Variants in HERC1 observed in about 807,000 individuals in gnomAD.
HERC1 encodes probable E3 ubiquitin-protein ligase HERC1.
Under a neutral mutation model 554.3 loss-of-function variants are expected in HERC1, and 160 were observed. That is an observed-to-expected ratio of 0.29 (90% confidence interval 0.25 to 0.33). The LOEUF is 0.33. Ranked by LOEUF, HERC1 falls within the 10% of genes least tolerant of loss-of-function variation. The pLI is 1.00. For missense variants in HERC1, 4,919 were observed against 5,918.5 expected, an observed-to-expected ratio of 0.83 and a Z score of 5.54; for synonymous variants, 2,175 against 2,131.7, an observed-to-expected ratio of 1.02 and a Z score of -0.56.
At chr15:63,623,371 T>C (rs934128647) in intron 73 of HERC1, among the ~76,000 whole-genome samples, 7 of 152,232 alleles carry the variant, frequency 4.6e-5, no homozygotes, top group Non-Finnish European at 1.0e-4. Flanking sequence ...GCAGTTCTAC[T>C]TTGTTCTAAA....
intron 52 of HERC1, among the ~76,000 whole-genome samples, chr15:63,651,648 T>A (rs992004778): frequency 6.6e-6 from 1 of 152,202 alleles, no homozygotes; most frequent in East Asian, 1.9e-4. Context: ...TCTGTATGTG[T>A]TGTACAGATG....
chr15:63,739,135 C>T (rs898089328), intron 12 of HERC1, among the ~76,000 whole-genome samples: 3 of 151,196 alleles, frequency 2.0e-5, no homozygotes, highest in Admixed American at 6.6e-5. Flanking sequence ...GAAAAAAAGC[C>T]GTGTGCCCAT....
intron 24 of HERC1, 146 bp from the exon 25 acceptor site, chr15:63,706,977 G>T: frequency 1.8e-6 from 1 of 557,672 alleles, no homozygotes; most frequent in Non-Finnish European, 3.1e-6. Context: ...ATAACAAAAT[G>T]TCCCTAAAAA....
At chr15:63,645,236 C>T in intron 56 of HERC1, 139 bp from the exon 57 acceptor site, 1 of 719,078 alleles carries the variant, frequency 1.4e-6, no homozygotes, top group Non-Finnish European at 2.3e-6. Flanking sequence ...CAATCTTTTA[C>T]AAGAAATACA....
chr15:63,669,765 TC>T, intron 39 of HERC1, 67 bp from the exon 40 acceptor site: 2 of 1,442,744 alleles, frequency 1.4e-6, no homozygotes, highest in Non-Finnish European at 1.9e-6. Context: ...ATCACAATCT[TC>T]TTATAGAAGA....
intron 34 of HERC1, among the ~76,000 whole-genome samples, chr15:63,684,709 GA>G (rs148434448): frequency 5.3e-5 from 8 of 151,960 alleles, no homozygotes; most frequent in African/African-American, 9.7e-5. Flanking sequence ...TCTAGCGGGG[GA>G]AAAAAATCTA....
At chr15:63,668,967 G>A (rs899011156) in intron 40 of HERC1, among the ~76,000 whole-genome samples, 5 of 152,098 alleles carry the variant, frequency 3.3e-5, no homozygotes. Flanking sequence ...CACAATACAC[G>A]TATTTTCCAA....
rs2073682490 is a variant in HERC1 at position 63,718,788 on chromosome 15, T to C, written c.3852A>G (p.Glu1284=). 3 of 1,611,910 alleles carry C rather than the reference T, an allele frequency of 1.9e-6. No individual in the cohort carries two copies. The East Asian group carries it at 6.7e-5, about 36-fold the overall frequency. ...HTNLLSQACG[E]SRYQPGKHLS... The stretch of plus-strand genomic sequence containing the variant: ...GATAGTTTTAAGTTACTTGCCGGCT[T>C]TCTCCACATGCTTGACTAAGTAAAT... Residue 1284 remains glutamate, a synonymous_variant, in exon 20 of 78, where the codon GAA becomes GAG. Coordinates refer to ENST00000443617, the MANE Select transcript of HERC1 (RefSeq NM_003922.4). The surrounding 1 kb of genome is among the most constrained non-coding windows in gnomAD (Gnocchi z 4.2).
Position 63,624,334 on chromosome 15 carries a change from C to T in HERC1, c.13276-7G>A. 2 of 1,585,966 alleles carry T rather than the reference C, an allele frequency of 1.3e-6. No homozygotes were observed. Among genetic ancestry groups the T allele is most frequent in the South Asian group, 2.3e-5 (2 of 87,978 alleles). On this transcript the variant is annotated splice_polypyrimidine_tract_variant and splice_region_variant and intron_variant, in intron 71 of 77. Transcript: ENST00000443617. ...TATAATGGGATGTGCTGTTCTGTAA[C>T]AGAAGGTACGGTTATCAGAAATGGT...
chr15:63,611,259 A>G (rs1247134865), intron 77 of HERC1, among the ~76,000 whole-genome samples: 1 of 152,178 alleles, frequency 6.6e-6, no homozygotes, highest in Non-Finnish European at 1.5e-5. Flanking sequence ...CAGACTGTGG[A>G]AGTGTTTAAG....
intron 1 of HERC1, among the ~76,000 whole-genome samples, chr15:63,812,234 C>T (rs2077346752): frequency 6.6e-6 from 1 of 152,202 alleles, no homozygotes; most frequent in Admixed American, 6.5e-5. Context: ...AGCGAATAGC[C>T]TGGTTCACCA....
chr15:63,779,422 A>T (rs2076214387), intron 1 of HERC1, among the ~76,000 whole-genome samples: 1 of 152,262 alleles, frequency 6.6e-6, no homozygotes, highest in Non-Finnish European at 1.5e-5. Flanking sequence ...AAAACAAAAT[A>T]GCACAGCCAC....
Position 63,770,368 on chromosome 15 carries a change from T to C in HERC1, c.930+4326A>G, listed in dbSNP as rs1596207090. Among the ~76,000 whole-genome samples, 3 of 152,318 alleles carry C rather than the reference T, an allele frequency of 2.0e-5. No homozygotes were observed. The South Asian group carries it at 6.2e-4, about 32-fold the overall frequency. ...AGTACAGACTTCTACTATAGCCCATTATCATTAATTTGAAATGTCTGTGCA... is the reference window on the plus strand; with the variant it reads ...AGTACAGACTTCTACTATAGCCCATCATCATTAATTTGAAATGTCTGTGCA... On this transcript the variant is annotated intron_variant, in intron 2 of 77. Transcript: ENST00000443617.
In HERC1 at chr15:63,725,685, A is replaced by G. The variant is rs1266003302; in HGVS notation, c.3347-172T>C. Among the ~76,000 whole-genome samples, 5 of 152,254 alleles carry G rather than the reference A, an allele frequency of 3.3e-5. No individual in the cohort carries two copies. The East Asian group carries it at 9.6e-4, about 29-fold the overall frequency. ...TTTCTCTTTACCAGACTGATTTAAA[A>G]TAATATCCAGAGAAGTTATGCTATC... On this transcript the variant is annotated intron_variant, in intron 17 of 77. Coordinates refer to ENST00000443617, the MANE Select transcript of HERC1 (RefSeq NM_003922.4).
In HERC1 at chr15:63,753,045, A is replaced by T. The variant is rs758861535; in HGVS notation, c.1815T>A (p.Pro605=). 6 of 1,612,568 alleles carry T rather than the reference A, an allele frequency of 3.7e-6. 1 individual carries two copies. Among genetic ancestry groups the T allele is most frequent in the African/African-American group, 2.7e-5 (2 of 74,890 alleles). ...GHGDTNRVYK[P]KVIEALQGMF... ...TTCCTTGTAAAGCTTCAATAACTTT[A>T]GGTTTATACACTCTGTTGGTATCAC... is the stretch of plus-strand genomic sequence containing the variant. Residue 605 remains proline, a synonymous_variant, in exon 8 of 78, where the codon CCT becomes CCA. Coordinates refer to ENST00000443617, the MANE Select transcript of HERC1 (RefSeq NM_003922.4).
At position 63,645,146 on chromosome 15, in the gene HERC1, G is replaced by A. The variant is rs773490925; in HGVS notation, c.11079-49C>T. 1.2e-5 allele frequency: 16 copies of A among 1,319,550 alleles called. No homozygotes were observed. The African/African-American group carries it at 2.2e-4, about 18-fold the overall frequency. The allele number at this position is 1,319,550 out of a possible 1,614,324, so 81.7% of individuals were successfully genotyped here. ...ACCAAAACATGTCAATATGCATTAA[G>A]TAAAAATATTTCCGAATTGCAATCA... On this transcript the variant is annotated intron_variant, in intron 56 of 77. Coordinates refer to ENST00000443617, the MANE Select transcript of HERC1 (RefSeq NM_003922.4).
At chr15:63,771,437 G>GTTT (rs137911679) in intron 2 of HERC1, among the ~76,000 whole-genome samples, 14 of 144,764 alleles carry the variant, frequency 9.7e-5, no homozygotes, top group South Asian at 4.4e-4. Context: ...AAGCAATCTA[G>GTTT]TTTTTTTTTT....
At chr15:63,707,292 A>T (rs997114587) in intron 24 of HERC1, among the ~76,000 whole-genome samples, 4 of 152,236 alleles carry the variant, frequency 2.6e-5, no homozygotes, top group African/African-American at 4.8e-5. Flanking sequence ...CTCCGTACTA[A>T]CAGAAAAATA....
intron 64 of HERC1, among the ~76,000 whole-genome samples, chr15:63,636,478 C>T (rs2068784660): frequency 6.6e-6 from 1 of 151,998 alleles, no homozygotes; most frequent in South Asian, 2.1e-4. Context: ...ACCATGCTGG[C>T]CAGGCTGGTC....
Sources: gnomAD v4.1 joint callset for allele counts (sites outside exome capture counted in the v4.1 genomes callset) on GRCh38, gnomAD v4.1.1 for gene constraint, Gnocchi (gnomAD v3.1) non-coding constraint, MANE v1.5 for transcripts, NCBI Gene and HGNC (gene_info 2026-07-23, HGNC 2026-07-21) for gene names.